The following NEDD4L variants were observed in gnomAD, a reference collection of about 807,000 sequenced individuals.
NEDD4L encodes E3 ubiquitin-protein ligase NEDD4-like.
Under a neutral mutation model 148.9 loss-of-function variants are expected in NEDD4L, and 54 were observed. The ratio of observed to expected loss-of-function variants is 0.36; its 90% CI spans 0.29 to 0.45. The LOEUF (loss-of-function observed/expected upper bound fraction) is 0.45, where lower values mean the gene tolerates loss of function less well. NEDD4L is among the 20% of genes least tolerant of loss of function. The pLI is 1.00. For synonymous variants in NEDD4L, 433 were observed against 440.7 expected (o/e 0.98, Z 0.22); for missense variants, 856 against 1,233.8 (o/e 0.69, Z 4.59).
chr18:58,056,202 T>A (rs1438843621), intron 1 of NEDD4L, among the ~76,000 whole-genome samples: 2 of 152,186 alleles, frequency 1.3e-5, no homozygotes, highest in Non-Finnish European at 2.9e-5. Flanking sequence ...CATGTTGCAG[T>A]CGATATGTGT....
intron 10 of NEDD4L, 139 bp downstream of exon 10, chr18:58,329,266 C>A (rs562414803): frequency 2.7e-4 from 265 of 984,834 alleles, no homozygotes; most frequent in Non-Finnish European, 3.6e-4. Flanking sequence ...GAATTAATTA[C>A]CATCTGAATA....
At chr18:58,276,240 A>C (rs2051974007) in intron 5 of NEDD4L, among the ~76,000 whole-genome samples, 2 of 127,370 alleles carry the variant, frequency 1.6e-5, no homozygotes, top group Non-Finnish European at 3.2e-5. Flanking sequence ...GTTTTCTGAG[A>C]CGGAGTCTCA....
intron 30 of NEDD4L, among the ~76,000 whole-genome samples, chr18:58,393,216 A>T (rs919915594): frequency 1.3e-5 from 2 of 152,292 alleles, no homozygotes; most frequent in East Asian, 3.9e-4. Flanking sequence ...CGGAGCCCAC[A>T]TGATTCTGCC....
At chr18:58,363,442 C>G (rs552252555) in intron 19 of NEDD4L, among the ~76,000 whole-genome samples, 11 of 152,174 alleles carry the variant, frequency 7.2e-5, no homozygotes, top group Non-Finnish European at 1.5e-4. Flanking sequence ...AAAACCCAAT[C>G]CTTTTTGCTC....
At chr18:58,312,059 A>G (rs2057761793) in intron 5 of NEDD4L, among the ~76,000 whole-genome samples, 1 of 152,204 alleles carries the variant, frequency 6.6e-6, no homozygotes, top group South Asian at 2.1e-4. Flanking sequence ...GCTCTAAAGG[A>G]CACAGTGTTT....
chr18:58,259,461 C>G (rs1273585294), intron 5 of NEDD4L, among the ~76,000 whole-genome samples: 1 of 152,102 alleles, frequency 6.6e-6, no homozygotes, highest in African/African-American at 2.4e-5. Flanking sequence ...GGTTCTGAGC[C>G]TCTTAACTGC....
chr18:58,390,816 C>A, intron 29 of NEDD4L, 74 bp downstream of exon 29: 3 of 1,082,882 alleles, frequency 2.8e-6, no homozygotes, highest in South Asian at 2.7e-5. Flanking sequence ...GCCCAAGAAC[C>A]CTGCCGCCAG....
rs79766233 is a variant in NEDD4L at position 58,065,859 on chromosome 18, T to C, written c.48+21151T>C. Among the ~76,000 whole-genome samples the C allele has an allele frequency of 0.011, 1,743 of 152,232 alleles. 75 individuals are homozygous for C. In the East Asian group the frequency reaches 0.14, roughly 13 times the overall value. On this transcript the variant is annotated intron_variant, in intron 1 of 30. Coordinates refer to ENST00000400345, the MANE Select transcript of NEDD4L (RefSeq NM_001144967.3). The stretch of plus-strand genomic sequence containing the variant: ...GTTTGCCACCACACAGAGTGCTGGG[T>C]GTACTGGGAACCCGGCTTCAAAGGC...
chr18:58,164,117 C>T (rs1247337492), intron 1 of NEDD4L, among the ~76,000 whole-genome samples: 1 of 151,672 alleles, frequency 6.6e-6, no homozygotes, highest in Non-Finnish European at 1.5e-5. Flanking sequence ...TGGATTCTCC[C>T]TCAGTCCCCT....
intron 2 of NEDD4L, among the ~76,000 whole-genome samples, chr18:58,181,829 T>C (rs1261208627): frequency 6.6e-6 from 1 of 152,222 alleles, no homozygotes; most frequent in Non-Finnish European, 1.5e-5. Flanking sequence ...AAATTTCCCC[T>C]TTCATAGGGT....
chr18:58,167,889 G>T (rs966800849), intron 2 of NEDD4L, among the ~76,000 whole-genome samples: 1 of 151,770 alleles, frequency 6.6e-6, no homozygotes, highest in Non-Finnish European at 1.5e-5. Flanking sequence ...GCTTGATTGG[G>T]TTTTTATTTT....
At position 58,256,755 on chromosome 18, in the gene NEDD4L, C is replaced by G; in HGVS notation, c.297+4701C>G. ...GAGAAAAGCGCCAAAAGCCCTGTTT[C>G]CACGGGAGCTGACACCACGGTAAGT... On this transcript the variant is annotated intron_variant, in intron 5 of 30. Coordinates refer to ENST00000400345, the MANE Select transcript of NEDD4L (RefSeq NM_001144967.3). This position sits in a 1 kb window ranked among gnomAD's most constrained non-coding sequence, Gnocchi z 5.2. 1.6e-6 allele frequency: 2 copies of G among 1,231,998 alleles called. No individual in the cohort carries two copies. 76.3% of individuals were successfully genotyped at this position (1,231,998 alleles called of 1,614,324 possible).
At chr18:58,101,603 A>G (rs907988600) in intron 1 of NEDD4L, among the ~76,000 whole-genome samples, 1 of 152,174 alleles carries the variant, frequency 6.6e-6, no homozygotes, top group African/African-American at 2.4e-5. Context: ...GCGAGCCTCC[A>G]TTTGCACATT....
At chr18:58,306,324 A>G (rs1165951608) in intron 5 of NEDD4L, among the ~76,000 whole-genome samples, 2 of 152,140 alleles carry the variant, frequency 1.3e-5, no homozygotes, top group Non-Finnish European at 2.9e-5. Flanking sequence ...AATAAAAACT[A>G]TTCAATTCCA....
intron 5 of NEDD4L, among the ~76,000 whole-genome samples, chr18:58,280,795 A>T (rs958655553): frequency 6.6e-6 from 1 of 152,200 alleles, no homozygotes; most frequent in African/African-American, 2.4e-5. Context: ...TAAGAAAGTC[A>T]GTATGGCATA....
intron 1 of NEDD4L, among the ~76,000 whole-genome samples, chr18:58,093,624 C>T (rs1037701117): frequency 1.3e-5 from 2 of 152,082 alleles, no homozygotes; most frequent in African/African-American, 4.8e-5. Context: ...GACTTTCTCA[C>T]GGAAAGAAGT....
chr18:58,305,219 A>T (rs1568635205), intron 5 of NEDD4L, among the ~76,000 whole-genome samples: 1 of 152,260 alleles, frequency 6.6e-6, no homozygotes, highest in East Asian at 1.9e-4. Context: ...ATTGCAATTT[A>T]GTATCAGTTT....
intron 1 of NEDD4L, among the ~76,000 whole-genome samples, chr18:58,060,159 G>A (rs1246932855): frequency 2.0e-5 from 3 of 152,000 alleles, no homozygotes; most frequent in Admixed American, 6.6e-5. Context: ...GGGTGGGGAA[G>A]GCACAGCTGA....
chr18:58,123,765 A>G (rs2030464821), intron 1 of NEDD4L, among the ~76,000 whole-genome samples: 1 of 152,066 alleles, frequency 6.6e-6, no homozygotes, highest in South Asian at 2.1e-4. Flanking sequence ...CATTGAGGAA[A>G]GAAGCCGTTC....
Sources: allele counts gnomAD v4.1 joint callset (sites outside exome capture counted in the v4.1 genomes callset), GRCh38; gene constraint gnomAD v4.1.1; non-coding constraint Gnocchi (gnomAD v3.1); transcripts MANE v1.5; gene names NCBI Gene and HGNC (gene_info 2026-07-23, HGNC 2026-07-21).